Variants in TENM4 observed in about 807,000 individuals in gnomAD.
TENM4 encodes teneurin transmembrane protein 4.
TENM4 carries 82 observed loss-of-function variants against 243.3 expected under a neutral mutation model. That is an observed-to-expected ratio of 0.34 (90% CI 0.28 to 0.40). The LOEUF (loss-of-function observed/expected upper bound fraction) is 0.40. TENM4 is among the 10% of genes least tolerant of loss of function. TENM4 has a pLI of 1.00. For missense variants in TENM4, 3,138 were observed against 3,673.3 expected (o/e 0.85, Z 3.77); for synonymous variants, 1,412 against 1,456.3 (o/e 0.97, Z 0.69).
intron 4 of TENM4, among the ~76,000 whole-genome samples, chr11:79,106,093 T>A (rs552159039): frequency 6.6e-6 from 1 of 152,282 alleles, no homozygotes; most frequent in African/African-American, 2.4e-5. Flanking sequence ...CTCAAGATAA[T>A]CATATGAAGT....
chr11:78,984,626 G>A (rs1591183356), intron 6 of TENM4, among the ~76,000 whole-genome samples: 1 of 152,082 alleles, frequency 6.6e-6, no homozygotes, highest in East Asian at 1.9e-4. Context: ...ATTGAGCTCT[G>A]ATTGCCATAA....
At chr11:79,095,731 A>G (rs2137063286) in intron 4 of TENM4, among the ~76,000 whole-genome samples, 2 of 152,360 alleles carry the variant, frequency 1.3e-5, no homozygotes, top group Admixed American at 1.3e-4. Context: ...ACTAGTTTCC[A>G]TTTAAAGACA....
intron 6 of TENM4, among the ~76,000 whole-genome samples, chr11:78,939,647 A>G (rs1015199003): frequency 6.6e-6 from 1 of 152,184 alleles, no homozygotes; most frequent in African/African-American, 2.4e-5. Context: ...GCCTGTACAA[A>G]CTATTAGTAA....
intron 19 of TENM4, among the ~76,000 whole-genome samples, chr11:78,753,229 C>A (rs1856230747): frequency 6.6e-6 from 1 of 152,214 alleles, no homozygotes; most frequent in Non-Finnish European, 1.5e-5. Context: ...GTACCAAGCC[C>A]TGGGCCAGGT....
At chr11:79,290,520 G>A (rs1406790698) in intron 2 of TENM4, among the ~76,000 whole-genome samples, 1 of 151,900 alleles carries the variant, frequency 6.6e-6, no homozygotes, top group Admixed American at 6.6e-5. Flanking sequence ...AGAAATCAGT[G>A]TGTGATTTCT....
chr11:79,202,625 T>A (rs1161833833), intron 3 of TENM4, among the ~76,000 whole-genome samples: 1 of 152,174 alleles, frequency 6.6e-6, no homozygotes. Flanking sequence ...TGTAAGAACC[T>A]GCCAGGTTGG....
chr11:79,343,636 A>C (rs146761450), intron 1 of TENM4, among the ~76,000 whole-genome samples: 357 of 152,148 alleles, frequency 2.3e-3, no homozygotes, highest in African/African-American at 7.4e-3. Context: ...GTCTAAAGAA[A>C]ATACAGTGTA....
chr11:78,980,684 C>G (rs1377471601), intron 6 of TENM4, among the ~76,000 whole-genome samples: 1 of 152,188 alleles, frequency 6.6e-6, no homozygotes. Flanking sequence ...AGTAGCTGTA[C>G]AACCGTGGGC....
rs61124273 is a variant in TENM4 at position 79,316,017 on chromosome 11, A to C, written c.-320-18474T>G. Among the ~76,000 whole-genome samples, 131 of 152,302 alleles carry C rather than the reference A, an allele frequency of 8.6e-4. 8 individuals carry two copies. In the South Asian group the frequency reaches 0.018, roughly 21 times the overall value. On this transcript the variant is annotated intron_variant, in intron 1 of 33. Coordinates refer to ENST00000278550, the MANE Select transcript of TENM4 (RefSeq NM_001098816.3). Reference sequence around the variant, plus strand: ...AGCAAGTATTGTTACTCTATATATGAGTGTTCTAAGCAGAACCTAAAAAGT... The same window carrying C: ...AGCAAGTATTGTTACTCTATATATGCGTGTTCTAAGCAGAACCTAAAAAGT...
chr11:79,121,479 G>A (rs1861744275), intron 4 of TENM4, among the ~76,000 whole-genome samples: 1 of 152,200 alleles, frequency 6.6e-6, no homozygotes, highest in Admixed American at 6.5e-5. Flanking sequence ...AAAGACTCTG[G>A]GTTCCCAGCC....
In TENM4 at chr11:79,078,193, C is replaced by T. The variant is rs184463164; in HGVS notation, c.-65-8184G>A. On this transcript the variant is annotated intron_variant, in intron 4 of 33. Coordinates refer to ENST00000278550, the MANE Select transcript of TENM4 (RefSeq NM_001098816.3). ...TCGCAGCCTCAGATACAGCCAGAAA[C>T]GAGCCAGGAAATTGACTGAATTCCT... Among the ~76,000 whole-genome samples, 451 of 152,204 alleles carry T rather than the reference C, an allele frequency of 3.0e-3. 2 individuals carry two copies. Among genetic ancestry groups the T allele is most frequent in the South Asian group, 6.9e-3 (33 of 4,814 alleles).
chr11:79,272,344 A>G (rs1478911661), intron 2 of TENM4, among the ~76,000 whole-genome samples: 1 of 152,230 alleles, frequency 6.6e-6, no homozygotes, highest in African/African-American at 2.4e-5. Flanking sequence ...ACATTTAAAA[A>G]GCAAAAAGAA....
chr11:79,260,931 G>A (rs557357441), intron 2 of TENM4, among the ~76,000 whole-genome samples: 1 of 152,240 alleles, frequency 6.6e-6, no homozygotes, highest in Admixed American at 6.5e-5. Context: ...TGAAAACGAT[G>A]TTTCCTGAGC....
chr11:79,373,376 G>A (rs1857826864), intron 1 of TENM4, among the ~76,000 whole-genome samples: 1 of 151,612 alleles, frequency 6.6e-6, no homozygotes, highest in African/African-American at 2.4e-5. Flanking sequence ...ATGAAGGTGT[G>A]AATGGATGCA....
chr11:79,368,132 G>A (rs1857711910), intron 1 of TENM4, among the ~76,000 whole-genome samples: 1 of 152,116 alleles, frequency 6.6e-6, no homozygotes, highest in Non-Finnish European at 1.5e-5. Flanking sequence ...ACTCCTCCAG[G>A]GCAGGACTGG....
Position 79,160,361 on chromosome 11 carries a change from C to G in TENM4, c.-162-11555G>C, listed in dbSNP as rs150638977. Among the ~76,000 whole-genome samples the G allele has an allele frequency of 8.1e-4, 124 of 152,308 alleles. 1 individual carries two copies. The highest frequency in any genetic ancestry group is 2.8e-3 in the African/African-American group (117 of 41,574). On this transcript the variant is annotated intron_variant, in intron 3 of 33. Transcript: ENST00000278550. ...CAAACTCCTCTAGTATCCAGGAAGG[C>G]AACCGTGCAGAATGGGCAAGGCATG...
intron 6 of TENM4, among the ~76,000 whole-genome samples, chr11:79,018,791 A>AT (rs1045600457): frequency 7.9e-5 from 12 of 152,326 alleles, no homozygotes; most frequent in African/African-American, 2.4e-4. Context: ...ATTCACTGAC[A>AT]TTTTTTTAGC....
chr11:79,331,584 A>G (rs1212887847), intron 1 of TENM4, among the ~76,000 whole-genome samples: 5 of 152,172 alleles, frequency 3.3e-5, no homozygotes, highest in East Asian at 3.9e-4. Context: ...TGTCCCCAAC[A>G]TCTACTGGAT....
chr11:79,040,077 G>C (rs1203463150), intron 6 of TENM4, among the ~76,000 whole-genome samples: 2 of 151,116 alleles, frequency 1.3e-5, no homozygotes, highest in Admixed American at 6.6e-5. Flanking sequence ...CAGCCAGCTA[G>C]AGCAACCAGA....
Sources: allele counts gnomAD v4.1 joint callset (sites outside exome capture counted in the v4.1 genomes callset), GRCh38; gene constraint gnomAD v4.1.1; transcripts MANE v1.5; gene names NCBI Gene and HGNC (gene_info 2026-07-23, HGNC 2026-07-21).